Variants in PTPRT observed in about 807,000 individuals in gnomAD.
PTPRT encodes the protein receptor-type tyrosine-protein phosphatase T.
Under a neutral mutation model 176.8 loss-of-function variants are expected in PTPRT, and 56 were observed. The observed-to-expected ratio is 0.32, with a 90% confidence interval of 0.26 to 0.40. The LOEUF is 0.40. Ranked by LOEUF, PTPRT falls within the 10% of genes least tolerant of loss-of-function variation. PTPRT has a pLI of 1.00. For missense variants in PTPRT, 1,540 were observed against 1,908.2 expected, an observed-to-expected ratio of 0.81 and a Z score of 3.60; for synonymous variants, 783 against 739.0, an observed-to-expected ratio of 1.06 and a Z score of -0.96.
intron 16 of PTPRT, among the ~76,000 whole-genome samples, chr20:42,188,547 A>C (rs1216234226): frequency 6.6e-6 from 1 of 152,138 alleles, no homozygotes; most frequent in Non-Finnish European, 1.5e-5. Flanking sequence ...TTTGTCCAGC[A>C]ATTACTCACA....
At chr20:42,931,820 A>G (rs1979871692) in intron 1 of PTPRT, among the ~76,000 whole-genome samples, 1 of 152,244 alleles carries the variant, frequency 6.6e-6, no homozygotes, top group South Asian at 2.1e-4. Context: ...ACAGCTGGTT[A>G]GCAGTGGGGA....
At chr20:43,026,534 T>TGATTAG (rs1171893660) in intron 1 of PTPRT, among the ~76,000 whole-genome samples, 1 of 152,184 alleles carries the variant, frequency 6.6e-6, no homozygotes, top group African/African-American at 2.4e-5. Context: ...ATAATAACCA[T>TGATTAG]AATAATCATA....
chr20:42,504,487 T>G (rs1013240482), intron 7 of PTPRT, among the ~76,000 whole-genome samples: 6 of 152,138 alleles, frequency 3.9e-5, no homozygotes, highest in Admixed American at 6.6e-5. Context: ...TAACTGAAAA[T>G]TAAAATCTTA....
chr20:42,193,419 C>T (rs189069842), intron 16 of PTPRT, among the ~76,000 whole-genome samples: 2 of 152,340 alleles, frequency 1.3e-5, no homozygotes, highest in Admixed American at 6.5e-5. Flanking sequence ...CCCTTTCTCC[C>T]GGCTGTCAGT....
At chr20:42,398,192 A>G (rs867836593) in intron 9 of PTPRT, among the ~76,000 whole-genome samples, 14 of 152,348 alleles carry the variant, frequency 9.2e-5, no homozygotes, top group African/African-American at 3.1e-4. Flanking sequence ...ATCATTCCTT[A>G]ATAAAACAAT....
intron 7 of PTPRT, among the ~76,000 whole-genome samples, chr20:42,573,040 T>C (rs558592274): frequency 2.0e-5 from 3 of 151,452 alleles, no homozygotes; most frequent in African/African-American, 4.8e-5. Flanking sequence ...TTGTTTGCCA[T>C]CCTATTCCCA....
chr20:42,166,885 C>T (rs1743539715), intron 16 of PTPRT, among the ~76,000 whole-genome samples: 1 of 151,604 alleles, frequency 6.6e-6, no homozygotes, highest in African/African-American at 2.4e-5. Context: ...GGTGCCATTG[C>T]ACTCCAGCCA....
intron 2 of PTPRT, among the ~76,000 whole-genome samples, chr20:42,875,234 T>C (rs1355065375): frequency 6.6e-6 from 1 of 152,368 alleles, no homozygotes; most frequent in East Asian, 1.9e-4. Flanking sequence ...AAGGACATCA[T>C]GTTGCTTTTC....
chr20:42,296,116 C>T (rs951430952), intron 12 of PTPRT, among the ~76,000 whole-genome samples: 1 of 152,088 alleles, frequency 6.6e-6, no homozygotes, highest in Non-Finnish European at 1.5e-5. Context: ...TCTGACAAAC[C>T]AGATAGCAAA....
At chr20:42,531,991 T>C (rs1289906130) in intron 7 of PTPRT, among the ~76,000 whole-genome samples, 2 of 152,214 alleles carry the variant, frequency 1.3e-5, no homozygotes, top group African/African-American at 4.8e-5. Flanking sequence ...GATAGACAGA[T>C]GCTTAAACTA....
intron 16 of PTPRT, among the ~76,000 whole-genome samples, chr20:42,176,973 G>A (rs529801817): frequency 2.1e-4 from 32 of 152,280 alleles, no homozygotes; most frequent in African/African-American, 7.2e-4. Flanking sequence ...AAAGACAACG[G>A]GACATTAAGA....
At chr20:42,446,266 A>G (rs1156969358) in intron 9 of PTPRT, among the ~76,000 whole-genome samples, 6 of 152,324 alleles carry the variant, frequency 3.9e-5, no homozygotes, top group East Asian at 3.9e-4. Flanking sequence ...TGTGACTGTC[A>G]TGAGTTAGTA....
At chr20:43,130,651 T>C (rs1027881192) in intron 1 of PTPRT, among the ~76,000 whole-genome samples, 3 of 152,224 alleles carry the variant, frequency 2.0e-5, no homozygotes, top group Non-Finnish European at 4.4e-5. Context: ...TGCAGGTATA[T>C]GCCTCTGAAA....
chr20:42,841,470 TG>T (rs2078275939), intron 2 of PTPRT, among the ~76,000 whole-genome samples: 1 of 152,134 alleles, frequency 6.6e-6, no homozygotes, highest in African/African-American at 2.4e-5. Flanking sequence ...TAGTGAGATC[TG>T]GGGCAACATT....
intron 6 of PTPRT, among the ~76,000 whole-genome samples, chr20:42,712,078 C>T (rs1253131756): frequency 1.3e-5 from 2 of 152,090 alleles, no homozygotes; most frequent in Admixed American, 6.5e-5. Context: ...CCATTCATTA[C>T]CTGGACTAAT....
chr20:42,562,283 A>G (rs979423018), intron 7 of PTPRT, among the ~76,000 whole-genome samples: 1 of 152,172 alleles, frequency 6.6e-6, no homozygotes, highest in Non-Finnish European at 1.5e-5. Context: ...CCCATAGGGA[A>G]CCACTGTTTT....
chr20:42,267,478 ACT>A (rs1338436320), intron 13 of PTPRT, among the ~76,000 whole-genome samples: 5 of 152,078 alleles, frequency 3.3e-5, no homozygotes, highest in African/African-American at 1.2e-4. Context: ...TTCTCACGTG[ACT>A]CTAAGAAATT....
At chr20:42,422,845 C>T (rs1351213900) in intron 9 of PTPRT, among the ~76,000 whole-genome samples, 1 of 152,078 alleles carries the variant, frequency 6.6e-6, no homozygotes, top group Non-Finnish European at 1.5e-5. Context: ...ACATATACAC[C>T]ATGGAATACA....
At chr20:43,153,630 T>C (rs1400418456) in intron 1 of PTPRT, among the ~76,000 whole-genome samples, 1 of 151,836 alleles carries the variant, frequency 6.6e-6, no homozygotes, top group Admixed American at 6.6e-5. Context: ...ACCCATCCTA[T>C]CTCCTCAAAC....
Sources: gnomAD v4.1 joint callset for allele counts (sites outside exome capture counted in the v4.1 genomes callset) on GRCh38, gnomAD v4.1.1 for gene constraint, MANE v1.5 for transcripts, NCBI Gene and HGNC (gene_info 2026-07-23, HGNC 2026-07-21) for gene names.